Variants in SEMA3A observed in about 807,000 individuals in gnomAD.
The protein encoded by SEMA3A is semaphorin-3A.
SEMA3A carries 29 observed loss-of-function variants against 97.9 expected under a neutral mutation model. That is an observed-to-expected ratio of 0.30 (90% CI 0.22 to 0.40). The LOEUF (loss-of-function observed/expected upper bound fraction) is 0.40, where lower values mean the gene tolerates loss of function less well. SEMA3A is among the 10% of genes least tolerant of loss of function. The pLI is 1.00. For missense variants in SEMA3A, 763 were observed against 951.3 expected, an observed-to-expected ratio of 0.80 and a Z score of 2.60; for synonymous variants, 321 against 323.7, an observed-to-expected ratio of 0.99 and a Z score of 0.09.
At chr7:84,051,149 C>A (rs1217208257) in intron 5 of SEMA3A, among the ~76,000 whole-genome samples, 1 of 148,704 alleles carries the variant, frequency 6.7e-6, no homozygotes, top group Non-Finnish European at 1.5e-5. Flanking sequence ...AGTGTGATGC[C>A]TCCAGCTTTG....
At chr7:84,023,350 C>G (rs565633643) in intron 6 of SEMA3A, among the ~76,000 whole-genome samples, 3 of 151,942 alleles carry the variant, frequency 2.0e-5, no homozygotes, top group South Asian at 2.1e-4. Context: ...AACAAGCCCC[C>G]CAAAGGACAA....
At chr7:83,965,025 A>T (rs2116261154) in intron 15 of SEMA3A, among the ~76,000 whole-genome samples, 1 of 152,250 alleles carries the variant, frequency 6.6e-6, no homozygotes, top group Admixed American at 6.5e-5. Flanking sequence ...ATTAGAATGC[A>T]TTGTCACAGA....
chr7:84,457,267 T>C (rs1042287252), intron 1 of SEMA3A, among the ~76,000 whole-genome samples: 17 of 151,780 alleles, frequency 1.1e-4, no homozygotes, highest in African/African-American at 3.6e-4. Flanking sequence ...TACCAATACA[T>C]TCTATATTTC....
chr7:84,099,232 G>A (rs1017523102), intron 4 of SEMA3A, among the ~76,000 whole-genome samples: 3 of 112,684 alleles, frequency 2.7e-5, no homozygotes, highest in Admixed American at 1.0e-4. Context: ...TACCACGCCC[G>A]GCTAATTTTT....
intron 2 of SEMA3A, among the ~76,000 whole-genome samples, chr7:84,320,894 A>G (rs11977024): frequency 0.018 from 2,808 of 152,104 alleles, 92 homozygotes; most frequent in African/African-American, 0.065. Context: ...TTTTCATGTA[A>G]AATTATTGTT....
chr7:84,233,556 A>G (rs1340501348), intron 3 of SEMA3A, among the ~76,000 whole-genome samples: 1 of 152,054 alleles, frequency 6.6e-6, no homozygotes, highest in Non-Finnish European at 1.5e-5. Context: ...GTCAATGAAT[A>G]TAATTTACAT....
intron 1 of SEMA3A, among the ~76,000 whole-genome samples, chr7:84,401,504 A>C (rs975289100): frequency 1.1e-4 from 17 of 151,970 alleles, no homozygotes; most frequent in African/African-American, 3.1e-4. Context: ...AAAAAAAAAA[A>C]AACACTAAAA....
intron 3 of SEMA3A, among the ~76,000 whole-genome samples, chr7:84,282,081 C>G (rs571710804): frequency 6.6e-6 from 1 of 152,126 alleles, no homozygotes; most frequent in African/African-American, 2.4e-5. Flanking sequence ...ACTGCACCAA[C>G]GTTGCACTGA....
At chr7:84,325,922 A>G (rs1242888413) in intron 2 of SEMA3A, among the ~76,000 whole-genome samples, 3 of 151,912 alleles carry the variant, frequency 2.0e-5, no homozygotes, top group Non-Finnish European at 2.9e-5. Context: ...CCCCACCCCC[A>G]ACACTAGTAT....
chr7:84,470,734 A>G (rs1243985048), intron 1 of SEMA3A, among the ~76,000 whole-genome samples: 1 of 152,038 alleles, frequency 6.6e-6, no homozygotes, highest in African/African-American at 2.4e-5. Flanking sequence ...TCTTTTAGCA[A>G]TAGTCCTTAG....
intron 1 of SEMA3A, among the ~76,000 whole-genome samples, chr7:84,379,762 T>C (rs2116134681): frequency 6.6e-6 from 1 of 152,312 alleles, no homozygotes; most frequent in Non-Finnish European, 1.5e-5. Context: ...TAAACCCATG[T>C]CATTTTTGTA....
At chr7:84,203,218 T>C (rs1798397033) in intron 3 of SEMA3A, among the ~76,000 whole-genome samples, 1 of 151,992 alleles carries the variant, frequency 6.6e-6, no homozygotes, top group Non-Finnish European at 1.5e-5. Flanking sequence ...TTCTAGGAGC[T>C]CCTTCTTCCT....
chr7:84,233,135 CA>C (rs1799152976), intron 3 of SEMA3A, among the ~76,000 whole-genome samples: 1 of 152,004 alleles, frequency 6.6e-6, no homozygotes, highest in Non-Finnish European at 1.5e-5. Flanking sequence ...ACTTCTCAAT[CA>C]TGCAATATTT....
intron 6 of SEMA3A, among the ~76,000 whole-genome samples, chr7:84,042,443 A>G (rs1046027606): frequency 6.6e-6 from 1 of 151,800 alleles, no homozygotes; most frequent in African/African-American, 2.4e-5. Flanking sequence ...CATATATTAA[A>G]CCCGACTCTG....
chr7:84,213,650 T>C (rs1420106462), intron 3 of SEMA3A, among the ~76,000 whole-genome samples: 1 of 152,194 alleles, frequency 6.6e-6, no homozygotes, highest in African/African-American at 2.4e-5. Flanking sequence ...ATAATTTGTG[T>C]AGTACCACTT....
At chr7:84,322,140 GA>G (rs1223030132) in intron 2 of SEMA3A, among the ~76,000 whole-genome samples, 1 of 151,338 alleles carries the variant, frequency 6.6e-6, no homozygotes, top group Non-Finnish European at 1.5e-5. Context: ...CAGCATGGGG[GA>G]AACTCCCCCC....
At chr7:84,395,892 C>T (rs1286597323) in intron 1 of SEMA3A, among the ~76,000 whole-genome samples, 2 of 151,856 alleles carry the variant, frequency 1.3e-5, no homozygotes, top group African/African-American at 4.8e-5. Flanking sequence ...ATACAAGGAT[C>T]AAGAAAGGTA....
chr7:84,094,302 C>T (rs184021193), intron 4 of SEMA3A, among the ~76,000 whole-genome samples: 167 of 150,606 alleles, frequency 1.1e-3, no homozygotes, highest in Non-Finnish European at 1.4e-3. Flanking sequence ...ATTACTTTCT[C>T]CCTACATCTA....
At chr7:84,342,143 C>T (rs1802187200) in intron 2 of SEMA3A, among the ~76,000 whole-genome samples, 1 of 152,016 alleles carries the variant, frequency 6.6e-6, no homozygotes, top group South Asian at 2.1e-4. Context: ...TCAAGTGATT[C>T]TCCTGCCTCA....
Sources: gnomAD v4.1 joint callset for allele counts (sites outside exome capture counted in the v4.1 genomes callset) on GRCh38, gnomAD v4.1.1 for gene constraint, MANE v1.5 for transcripts, NCBI Gene and HGNC (gene_info 2026-07-23, HGNC 2026-07-21) for gene names.